KLHL2: variants seen among roughly 807,000 people sequenced by gnomAD.
KLHL2 encodes the protein kelch-like protein 2.
In KLHL2, 15 loss-of-function variants were observed where a neutral mutation model predicts 75.8. The ratio of observed to expected loss-of-function variants is 0.20; its 90% CI spans 0.13 to 0.30. The LOEUF (loss-of-function observed/expected upper bound fraction) is 0.30. Ranked by LOEUF, KLHL2 falls within the 10% of genes least tolerant of loss-of-function variation. The probability of loss-of-function intolerance (pLI) is 1.00; values close to 1 mark genes in which losing one functional copy is unlikely to be tolerated. For synonymous variants in KLHL2, 214 were observed against 251.9 expected, an observed-to-expected ratio of 0.85 and a Z score of 1.42; for missense variants, 381 against 741.0, an observed-to-expected ratio of 0.51 and a Z score of 5.64.
Position 165,305,619 on chromosome 4 carries a change from G to T in KLHL2, c.933G>T (p.Val311=). 1 of 1,613,794 alleles carries T rather than the reference G, an allele frequency of 6.2e-7. No individual in the cohort carries two copies. Among genetic ancestry groups the T allele is most frequent in the Non-Finnish European group, 8.5e-7 (1 of 1,179,770 alleles). Residue 311 remains valine, a synonymous_variant, in exon 9 of 15, where the codon GTG becomes GTT. Transcript: ENST00000226725. Reference sequence around the variant, plus strand: ...TTCTGCCCTTGTAGTTGATGGTGGTGGTTGGGGGCCAAGCACCAAAGGCTA... The same window carrying T: ...TTCTGCCCTTGTAGTTGATGGTGGTTGTTGGGGGCCAAGCACCAAAGGCTA... ...TPMNLPKLMV[V]VGGQAPKAIR...
In KLHL2 at chr4:165,277,900, G is replaced by T. The variant is rs565653257; in HGVS notation, c.544+14541G>T. Reference sequence around the variant, plus strand: ...AATAAAATCAAAGTCTATGAATAGTGTCATCGCATTAAGAGACAATTGCTG... The same window carrying T: ...AATAAAATCAAAGTCTATGAATAGTTTCATCGCATTAAGAGACAATTGCTG... On this transcript the variant is annotated intron_variant, in intron 5 of 14. Coordinates refer to ENST00000226725, the MANE Select transcript of KLHL2 (RefSeq NM_007246.4). 53 of 846,328 alleles carry T rather than the reference G, an allele frequency of 6.3e-5. No individual in the cohort carries two copies. In the African/African-American group the frequency reaches 8.4e-4, roughly 13 times the overall value. The allele number at this position is 846,328 out of a possible 1,614,324, so 52.4% of individuals were successfully genotyped here.
intron 5 of KLHL2, among the ~76,000 whole-genome samples, chr4:165,281,833 T>C (rs1317403712): frequency 6.6e-6 from 1 of 152,210 alleles, no homozygotes; most frequent in East Asian, 1.9e-4. Flanking sequence ...AGTTTATGTG[T>C]TTAACGTATA....
In KLHL2 at chr4:165,310,550, C is replaced by A. The variant is rs754129229; in HGVS notation, c.1040-3C>A. The A allele has an allele frequency of 1.2e-6, 2 of 1,613,232 alleles. No homozygotes were observed. Among genetic ancestry groups the A allele is most frequent in the East Asian group, 4.5e-5 (2 of 44,876 alleles). On this transcript the variant is annotated splice_polypyrimidine_tract_variant and splice_region_variant and intron_variant, in intron 9 of 14. Transcript: ENST00000226725. ...ATCATTAAATGCTGTACTCCTTTTG[C>A]AGGCATGGTCTACATGGCTGGACTT...
At chr4:165,287,572 CT>C (rs143292056) in intron 5 of KLHL2, among the ~76,000 whole-genome samples, 214 of 151,798 alleles carry the variant, frequency 1.4e-3, no homozygotes, top group Middle Eastern at 3.4e-3. Context: ...AACCTCCATG[CT>C]TTTTTTTATA....
At chr4:165,321,495 T>C (rs1746972981) in intron 14 of KLHL2, 1 of 318,206 alleles carries the variant, frequency 3.1e-6, no homozygotes, top group Non-Finnish European at 6.2e-6. Flanking sequence ...ATATTACATG[T>C]AAAATATGTG....
chr4:165,286,359 G>T (rs182972914), intron 5 of KLHL2, among the ~76,000 whole-genome samples: 122 of 152,292 alleles, frequency 8.0e-4, no homozygotes, highest in Admixed American at 1.4e-3. Flanking sequence ...GGTTTGGGGG[G>T]AGAGGTTGGA....
chr4:165,284,682 C>T (rs72701606), intron 5 of KLHL2, among the ~76,000 whole-genome samples: 33,327 of 152,112 alleles, frequency 0.22, 4,125 homozygotes, highest in Non-Finnish European at 0.29. Context: ...AAGTCGCTTC[C>T]GCATTTCTGG....
intron 8 of KLHL2, among the ~76,000 whole-genome samples, chr4:165,304,801 A>G (rs577179404): frequency 1.3e-5 from 2 of 152,314 alleles, no homozygotes; most frequent in South Asian, 2.1e-4. Flanking sequence ...GAGTTACTTC[A>G]TAAGTCTTGT....
chr4:165,307,039 G>A (rs1358684389), intron 9 of KLHL2, among the ~76,000 whole-genome samples: 1 of 152,222 alleles, frequency 6.6e-6, no homozygotes, highest in Non-Finnish European at 1.5e-5. Context: ...GCCAGGCGCA[G>A]TGGGTCATGC....
At chr4:165,213,689 T>C (rs1480074378) in intron 1 of KLHL2, among the ~76,000 whole-genome samples, 5 of 152,224 alleles carry the variant, frequency 3.3e-5, no homozygotes, top group Admixed American at 3.3e-4. Flanking sequence ...TCAGCCTTCC[T>C]AATGTTTCTT....
At chr4:165,250,123 C>CAAA (rs55913995) in intron 4 of KLHL2, among the ~76,000 whole-genome samples, 1 of 134,626 alleles carries the variant, frequency 7.4e-6, no homozygotes, top group African/African-American at 2.7e-5. Context: ...GACTCCGTCT[C>CAAA]AAAAAAAAAA....
chr4:165,279,042 C>A, intron 5 of KLHL2: 3 of 1,503,746 alleles, frequency 2.0e-6, no homozygotes, highest in Non-Finnish European at 2.8e-6. Context: ...GTCCTACTTG[C>A]ATTTGTTACA....
chr4:165,314,238 A>G (rs2126577672), intron 13 of KLHL2, 72 bp downstream of exon 13: 5 of 1,298,272 alleles, frequency 3.9e-6, no homozygotes, highest in Admixed American at 1.9e-5. Flanking sequence ...CACTCTATCA[A>G]TGAATATCAA....
At chr4:165,320,678 T>C (rs953313542) in intron 14 of KLHL2, among the ~76,000 whole-genome samples, 1 of 152,178 alleles carries the variant, frequency 6.6e-6, no homozygotes, top group Non-Finnish European at 1.5e-5. Context: ...GAATATATCA[T>C]TGTTATAGAA....
At chr4:165,273,162 C>G (rs1473795015) in intron 5 of KLHL2, among the ~76,000 whole-genome samples, 1 of 152,158 alleles carries the variant, frequency 6.6e-6, no homozygotes, top group Non-Finnish European at 1.5e-5. Flanking sequence ...CTTCGTTACT[C>G]CCCTTCCCTT....
At chr4:165,242,553 G>T (rs1284053863) in intron 4 of KLHL2, among the ~76,000 whole-genome samples, 1 of 152,144 alleles carries the variant, frequency 6.6e-6, no homozygotes, top group African/African-American at 2.4e-5. Flanking sequence ...GCTGTGGTCA[G>T]TGGTGTGATC....
chr4:165,309,464 A>C (rs1336043244), intron 9 of KLHL2, among the ~76,000 whole-genome samples: 1 of 152,164 alleles, frequency 6.6e-6, no homozygotes, highest in Non-Finnish European at 1.5e-5. Context: ...CTGATTCCGT[A>C]ATATCTCTTT....
chr4:165,218,832 T>G (rs1211547344), intron 1 of KLHL2, among the ~76,000 whole-genome samples: 2 of 152,242 alleles, frequency 1.3e-5, no homozygotes, highest in Admixed American at 6.5e-5. Context: ...GATGTTTGCT[T>G]GTTCTTTGAT....
chr4:165,311,082 C>T (rs562677112), intron 10 of KLHL2, among the ~76,000 whole-genome samples: 145 of 152,176 alleles, frequency 9.5e-4, no homozygotes, highest in Middle Eastern at 6.8e-3. Context: ...TGGTCTCAAT[C>T]TCCTGACTTT....
Sources: gnomAD v4.1 joint callset for allele counts (sites outside exome capture counted in the v4.1 genomes callset) on GRCh38, gnomAD v4.1.1 for gene constraint, MANE v1.5 for transcripts, NCBI Gene and HGNC (gene_info 2026-07-23, HGNC 2026-07-21) for gene names.